The following KCND3 variants were observed in gnomAD, a reference collection of about 807,000 sequenced individuals.
KCND3 encodes A-type voltage-gated potassium channel KCND3.
In KCND3, 9 loss-of-function variants were observed where a neutral mutation model predicts 51.1. That is an observed-to-expected ratio of 0.18 (90% CI 0.11 to 0.31). The LOEUF (loss-of-function observed/expected upper bound fraction) is 0.31, where lower values mean the gene tolerates loss of function less well. Among genes scored for constraint, KCND3 ranks in the 10% least tolerant of loss-of-function variants. The probability of loss-of-function intolerance (pLI) is 1.00; values close to 1 mark genes in which losing one functional copy is unlikely to be tolerated. For synonymous variants in KCND3, 349 were observed against 368.0 expected (o/e 0.95, Z 0.59); for missense variants, 526 against 903.8 (o/e 0.58, Z 5.36).
intron 2 of KCND3, among the ~76,000 whole-genome samples, chr1:111,870,125 T>C (rs898695195): frequency 6.6e-6 from 1 of 152,208 alleles, no homozygotes; most frequent in African/African-American, 2.4e-5. Flanking sequence ...GAAGTAAGCA[T>C]AATTGTTACT....
Position 111,950,283 on chromosome 1 carries a change from TTTTTGAA to T in KCND3, c.1106+31331_1106+31337del, listed in dbSNP as rs1557740062. On this transcript the variant is annotated intron_variant, in intron 2 of 7. Transcript: ENST00000302127. The stretch of plus-strand genomic sequence containing the variant: ...TATTTCTACTCTGCTCTATTTAATT[TTTTTGAA>T]AATACTGGTCGTGACCCACTAAGTT... Among the ~76,000 whole-genome samples, 10 of 152,218 alleles carry T rather than the reference TTTTTGAA, an allele frequency of 6.6e-5. No homozygotes were observed. The East Asian group carries it at 1.7e-3, about 26-fold the overall frequency.
At chr1:111,892,207 G>T (rs937489127) in intron 2 of KCND3, among the ~76,000 whole-genome samples, 1 of 152,184 alleles carries the variant, frequency 6.6e-6, no homozygotes, top group African/African-American at 2.4e-5. Flanking sequence ...ACAGGCTGAG[G>T]CCTGGCGGGG....
chr1:111,889,825 G>T (rs986812142), intron 2 of KCND3, among the ~76,000 whole-genome samples: 1 of 151,804 alleles, frequency 6.6e-6, no homozygotes, highest in Non-Finnish European at 1.5e-5. Flanking sequence ...AGCAGAAGAC[G>T]GGGAGCAGGA....
intron 2 of KCND3, among the ~76,000 whole-genome samples, chr1:111,959,876 G>A (rs1487894107): frequency 6.6e-6 from 1 of 152,062 alleles, no homozygotes; most frequent in Non-Finnish European, 1.5e-5. Context: ...ATCCCCATAT[G>A]TTGTGAGAGC....
At chr1:111,962,444 T>C (rs769910268) in intron 2 of KCND3, among the ~76,000 whole-genome samples, 3 of 152,160 alleles carry the variant, frequency 2.0e-5, no homozygotes, top group Non-Finnish European at 4.4e-5. Context: ...GGCCTAGGGA[T>C]AGGAGGAAGT....
At chr1:111,985,366 A>G (rs1675214404) in intron 1 of KCND3, among the ~76,000 whole-genome samples, 1 of 152,224 alleles carries the variant, frequency 6.6e-6, no homozygotes, top group South Asian at 2.1e-4. Context: ...GGATGTAATA[A>G]GTAGGCGGCG....
chr1:111,950,601 G>C lies in KCND3; in HGVS notation c.1106+31020C>G, dbSNP rs577599728. ...ATGCAAAATAAGAATGGGATTGAAT[G>C]GAGAGGGCCTTGAAAGGCAGGCAGA... is the stretch of plus-strand genomic sequence containing the variant. On this transcript the variant is annotated intron_variant, in intron 2 of 7. Coordinates refer to ENST00000302127, the MANE Select transcript of KCND3 (RefSeq NM_001378969.1). Among the ~76,000 whole-genome samples the C allele has an allele frequency of 2.6e-5, 4 of 152,334 alleles. No homozygotes were observed. In the South Asian group the frequency reaches 8.3e-4, roughly 32 times the overall value.
chr1:111,876,313 T>C (rs1196888816), intron 2 of KCND3, among the ~76,000 whole-genome samples: 1 of 152,206 alleles, frequency 6.6e-6, no homozygotes, highest in Non-Finnish European at 1.5e-5. Context: ...CTGGAATTGA[T>C]ACAAGACAAA....
chr1:111,967,972 T>C (rs1190177965), intron 2 of KCND3, among the ~76,000 whole-genome samples: 2 of 152,166 alleles, frequency 1.3e-5, no homozygotes, highest in East Asian at 3.9e-4. Flanking sequence ...AGGCAACCTA[T>C]GTGGGCCAGC....
chr1:111,983,950 G>A (rs1478015386), intron 1 of KCND3, among the ~76,000 whole-genome samples: 1 of 152,162 alleles, frequency 6.6e-6, no homozygotes, highest in Non-Finnish European at 1.5e-5. Flanking sequence ...TCACTCTGCA[G>A]TCCCCAAATG....
chr1:111,846,204 A>G (rs569926), intron 2 of KCND3, among the ~76,000 whole-genome samples: 51,398 of 152,084 alleles, frequency 0.34, 8,888 homozygotes, highest in East Asian at 0.51. Flanking sequence ...ACAGTCCCAC[A>G]CAAACTAGGA....
At chr1:111,948,695 G>C (rs549334887) in intron 2 of KCND3, among the ~76,000 whole-genome samples, 1 of 152,154 alleles carries the variant, frequency 6.6e-6, no homozygotes, top group East Asian at 1.9e-4. Flanking sequence ...CTCCCCTCTG[G>C]GGAGCTGGCC....
intron 2 of KCND3, among the ~76,000 whole-genome samples, chr1:111,830,454 G>A (rs949444169): frequency 2.6e-5 from 4 of 152,110 alleles, no homozygotes; most frequent in Non-Finnish European, 4.4e-5. Context: ...GGTTTTTCCC[G>A]CCTGACCAGG....
intron 2 of KCND3, among the ~76,000 whole-genome samples, chr1:111,852,362 C>T (rs1277229448): frequency 2.6e-5 from 4 of 152,238 alleles, no homozygotes; most frequent in Admixed American, 2.6e-4. Flanking sequence ...CAGCAACATG[C>T]CTAGCAGGTG....
At chr1:111,902,920 G>A (rs975480490) in intron 2 of KCND3, among the ~76,000 whole-genome samples, 1 of 152,146 alleles carries the variant, frequency 6.6e-6, no homozygotes, top group African/African-American at 2.4e-5. Flanking sequence ...CATAGTAGGT[G>A]CTCAATATAT....
chr1:111,959,458 T>C (rs2101926240), intron 2 of KCND3, among the ~76,000 whole-genome samples: 1 of 152,208 alleles, frequency 6.6e-6, no homozygotes, highest in African/African-American at 2.4e-5. Flanking sequence ...GCTCGCCCCA[T>C]CCACCACTTC....
At position 111,776,084 on chromosome 1, in the gene KCND3, G is replaced by A; in HGVS notation, c.1961C>T (p.Ala654Val). ...SIASNVVKVS[A>V]L Reference sequence around the variant, plus strand: ...GCCCTCTGTCCAGTGGTTTTACAAGGCGGAGACCTTGACAACATTGCTGGC... The same window carrying A: ...GCCCTCTGTCCAGTGGTTTTACAAGACGGAGACCTTGACAACATTGCTGGC... Residue 654 changes from alanine to valine, a missense_variant, in exon 8 of 8, where the codon GCC (alanine) becomes GTC (valine). Ala to Val is a moderately conservative substitution (Grantham distance 64). This residue lies in a region of KCND3 where 266 missense variants were observed against 305.5 expected (regional missense o/e 0.87). Coordinates refer to ENST00000302127, the MANE Select transcript of KCND3 (RefSeq NM_001378969.1). The A allele has an allele frequency of 6.2e-7, 1 of 1,614,162 alleles. No individual in the cohort carries two copies. The highest frequency in any genetic ancestry group is 8.5e-7 in the Non-Finnish European group (1 of 1,180,024).
intron 2 of KCND3, among the ~76,000 whole-genome samples, chr1:111,902,224 T>A (rs1670421578): frequency 1.3e-5 from 2 of 152,156 alleles, no homozygotes. Flanking sequence ...GGGGAGCTAA[T>A]ACGTGGGACA....
chr1:111,895,978 G>C (rs914761385), intron 2 of KCND3, among the ~76,000 whole-genome samples: 1 of 152,254 alleles, frequency 6.6e-6, no homozygotes, highest in African/African-American at 2.4e-5. Context: ...CCTCAGGCAT[G>C]AGCACTTCCA....
Sources: allele counts gnomAD v4.1 joint callset (sites outside exome capture counted in the v4.1 genomes callset), GRCh38; gene constraint gnomAD v4.1.1; regional missense constraint gnomAD v4.1.1; transcripts MANE v1.5; gene names NCBI Gene and HGNC (gene_info 2026-07-23, HGNC 2026-07-21).